Variants in AXIN1 observed in about 807,000 individuals in gnomAD.
AXIN1 encodes the protein axin-1.
A neutral mutation model predicts 76.4 loss-of-function variants in AXIN1; 30 were observed. The observed-to-expected ratio is 0.39, with a 90% confidence interval of 0.29 to 0.53. The LOEUF is 0.53. Ranked by LOEUF, AXIN1 falls within the 20% of genes least tolerant of loss-of-function variation. The pLI, the probability that AXIN1 is intolerant of heterozygous loss-of-function variation, is 0.66. For missense variants in AXIN1, 1,140 were observed against 1,198.8 expected (o/e 0.95, Z 0.72); for synonymous variants, 545 against 501.4 (o/e 1.09, Z -1.16).
chr16:319,263 G>A (rs761881525), intron 2 of AXIN1, among the ~76,000 whole-genome samples: 19 of 152,080 alleles, frequency 1.2e-4, no homozygotes, highest in Non-Finnish European at 2.2e-4. Context: ...GCTGGAGCCC[G>A]GGAGTCTGCA....
chr16:301,477 G>A (rs1268344841), intron 5 of AXIN1, among the ~76,000 whole-genome samples: 18 of 152,062 alleles, frequency 1.2e-4, no homozygotes, highest in African/African-American at 3.1e-4. Context: ...CAGCACCTGT[G>A]GCTACGCCTG....
chr16:329,982 G>A (rs937343283), intron 2 of AXIN1, among the ~76,000 whole-genome samples: 1 of 151,794 alleles, frequency 6.6e-6, no homozygotes, highest in Non-Finnish European at 1.5e-5. Context: ...TGGTCAGGCT[G>A]GTCTCAAACT....
chr16:348,478 C>T (rs1028143203), intron 1 of AXIN1, among the ~76,000 whole-genome samples: 4 of 152,232 alleles, frequency 2.6e-5, no homozygotes, highest in Non-Finnish European at 5.9e-5. Context: ...ACTTTACCAG[C>T]CAACAGCTGC....
chr16:311,415 G>A (rs2053175107), intron 3 of AXIN1, among the ~76,000 whole-genome samples: 1 of 152,116 alleles, frequency 6.6e-6, no homozygotes, highest in Non-Finnish European at 1.5e-5. Context: ...TTACCCCAGG[G>A]TTAAGATAAC....
intron 5 of AXIN1, among the ~76,000 whole-genome samples, chr16:301,066 C>A (rs971291127): frequency 1.3e-5 from 2 of 151,862 alleles, no homozygotes; most frequent in Non-Finnish European, 2.9e-5. Flanking sequence ...GTCGGGAGAT[C>A]GAGACCATCC....
chr16:288,332 A>AT (rs1555471866), intron 10 of AXIN1, 84 bp from the exon 11 acceptor site: 2 of 1,594,490 alleles, frequency 1.3e-6, no homozygotes, highest in South Asian at 2.2e-5. Flanking sequence ...GCGTGTCCAC[A>AT]CCCCATCCCG....
At chr16:290,988 A>G (rs1006558661) in intron 9 of AXIN1, 12 of 628,768 alleles carry the variant, frequency 1.9e-5, no homozygotes, top group East Asian at 1.7e-4. Context: ...CATGCTGGAC[A>G]GTCAGCGTCT....
At chr16:322,589 C>T (rs2053483003) in intron 2 of AXIN1, among the ~76,000 whole-genome samples, 1 of 152,128 alleles carries the variant, frequency 6.6e-6, no homozygotes, top group Non-Finnish European at 1.5e-5. Flanking sequence ...TGGCTGTCCG[C>T]GAGGCAAAGA....
At chr16:289,634 C>T in intron 9 of AXIN1, 27 bp from the exon 10 acceptor site, 1 of 1,611,726 alleles carries the variant, frequency 6.2e-7, no homozygotes, top group Non-Finnish European at 8.5e-7. Context: ...AGCGGTGGTA[C>T]CTGGTTTTGG....
intron 2 of AXIN1, among the ~76,000 whole-genome samples, chr16:321,118 T>C (rs193021435): frequency 5.9e-5 from 9 of 152,214 alleles, no homozygotes; most frequent in Non-Finnish European, 1.3e-4. Context: ...TGGAGGTAGA[T>C]CTGGCCCTGG....
chr16:347,036 T>A lies in AXIN1; in HGVS notation c.-11A>T, dbSNP rs1201214769. The A allele has an allele frequency of 6.2e-7, 1 of 1,614,070 alleles. No individual in the cohort carries two copies. The highest frequency in any genetic ancestry group is 2.2e-5 in the East Asian group (1 of 44,880). The stretch of plus-strand genomic sequence containing the variant: ...CTCTTGGATATTCATTTTGGGACTC[T>A]GCGTCAAGGAACAATGAGCGCTGCA... On this transcript the variant is annotated 5_prime_UTR_variant, in exon 2 of 11. Transcript: ENST00000262320.
At chr16:330,601 A>C (rs1350961748) in intron 2 of AXIN1, among the ~76,000 whole-genome samples, 1 of 152,240 alleles carries the variant, frequency 6.6e-6, no homozygotes, top group Non-Finnish European at 1.5e-5. Context: ...ACATTTCTTC[A>C]ATGTCACAAA....
chr16:344,807 G>T (rs1485328848), intron 2 of AXIN1, among the ~76,000 whole-genome samples: 1 of 152,156 alleles, frequency 6.6e-6, no homozygotes, highest in African/African-American at 2.4e-5. Context: ...ATCTTAAATC[G>T]TATCACTTAG....
chr16:321,624 A>G (rs2053458594), intron 2 of AXIN1, among the ~76,000 whole-genome samples: 1 of 152,156 alleles, frequency 6.6e-6, no homozygotes, highest in East Asian at 1.9e-4. Context: ...ACCCTCTCAC[A>G]GCTGGGAATA....
At position 344,207 on chromosome 16, in the gene AXIN1, C is replaced by T. The variant is rs1041539782; in HGVS notation, c.878+1941G>A. On this transcript the variant is annotated intron_variant, in intron 2 of 10. Coordinates refer to ENST00000262320, the MANE Select transcript of AXIN1 (RefSeq NM_003502.4). The stretch of plus-strand genomic sequence containing the variant: ...CCGCACTTTGGGAGACTGAGGCAGG[C>T]GATCACGAGGTCAGGAGATCGAGAC... 8.6e-5 allele frequency among the ~76,000 whole-genome samples: 13 copies of T among 151,512 alleles called. No homozygotes were observed. In the East Asian group the frequency reaches 1.4e-3, roughly 16 times the overall value.
intron 2 of AXIN1, among the ~76,000 whole-genome samples, chr16:315,742 A>G (rs562345449): frequency 2.0e-5 from 3 of 150,988 alleles, no homozygotes; most frequent in Non-Finnish European, 3.0e-5. Context: ...GCGGGAGAAT[A>G]GCGTGAACCT....
intron 5 of AXIN1, among the ~76,000 whole-genome samples, chr16:300,689 G>A (rs1245107434): frequency 1.3e-5 from 2 of 152,158 alleles, no homozygotes; most frequent in Non-Finnish European, 2.9e-5. Flanking sequence ...GAGCAGAGCC[G>A]GGGGACAGGT....
intron 2 of AXIN1, among the ~76,000 whole-genome samples, chr16:323,454 GAA>G (rs367604565): frequency 1.6e-5 from 2 of 127,234 alleles, no homozygotes; most frequent in African/African-American, 6.3e-5. Flanking sequence ...AAAAAAAAAA[GAA>G]AGAAAAAAAG....
Position 347,112 on chromosome 16 carries a change from G to A in AXIN1, c.-81-6C>T, listed in dbSNP as rs1311077981. On this transcript the variant is annotated splice_polypyrimidine_tract_variant and splice_region_variant and intron_variant, in intron 1 of 10. Coordinates refer to ENST00000262320, the MANE Select transcript of AXIN1 (RefSeq NM_003502.4). Reference sequence around the variant, plus strand: ...CCAAAGTGAATCAATCTGTCCTGTTGAAACCATTAAGAGGACAAGGATTAG... The same window carrying A: ...CCAAAGTGAATCAATCTGTCCTGTTAAAACCATTAAGAGGACAAGGATTAG... The A allele has an allele frequency of 4.4e-6, 7 of 1,606,894 alleles. No individual in the cohort carries two copies. The Admixed American group carries it at 1.2e-4, about 27-fold the overall frequency.
Sources: allele counts gnomAD v4.1 joint callset (sites outside exome capture counted in the v4.1 genomes callset), GRCh38; gene constraint gnomAD v4.1.1; transcripts MANE v1.5; gene names NCBI Gene and HGNC (gene_info 2026-07-23, HGNC 2026-07-21).